FOXP1: variants seen among roughly 807,000 people sequenced by gnomAD.
FOXP1 encodes forkhead box P1, also known as forkhead box protein P1.
A neutral mutation model predicts 98.2 loss-of-function variants in FOXP1; 15 were observed. The observed-to-expected ratio is 0.15, with a 90% CI of 0.10 to 0.24. The LOEUF is 0.24. Among genes scored for constraint, FOXP1 ranks in the 10% least tolerant of loss-of-function variants. The pLI, the probability that FOXP1 is intolerant of heterozygous loss-of-function variation, is 1.00. For missense variants in FOXP1, 633 were observed against 848.5 expected, an observed-to-expected ratio of 0.75 and a Z score of 3.15; for synonymous variants, 371 against 314.5, an observed-to-expected ratio of 1.18 and a Z score of -1.90.
intron 1 of FOXP1, 190 bp from the exon 2 acceptor site, chr3:71,581,887 A>T: frequency 1.0e-6 from 1 of 985,140 alleles, no homozygotes; most frequent in Non-Finnish European, 1.2e-6. Context: ...AAGGATCCAG[A>T]GACCGGGAAA....
intron 4 of FOXP1, among the ~76,000 whole-genome samples, chr3:71,346,500 C>T (rs1457414444): frequency 6.6e-6 from 1 of 152,188 alleles, no homozygotes; most frequent in Non-Finnish European, 1.5e-5. Context: ...ATTAATACAA[C>T]CACACAGTAA....
intron 3 of FOXP1, among the ~76,000 whole-genome samples, chr3:71,454,793 TTAAAAAAA>T (rs1341866899): frequency 9.8e-6 from 1 of 101,536 alleles, no homozygotes; most frequent in Admixed American, 9.4e-5. Flanking sequence ...CTTGTTTTCT[TTAAAAAAA>T]AAAACAAAAA....
At chr3:71,021,523 T>C (rs1260955548) in intron 11 of FOXP1, among the ~76,000 whole-genome samples, 1 of 152,186 alleles carries the variant, frequency 6.6e-6, no homozygotes, top group Non-Finnish European at 1.5e-5. Context: ...GTACTCTAAG[T>C]ATCTGTTTTC....
chr3:71,449,629 A>C (rs1293316091), intron 3 of FOXP1, among the ~76,000 whole-genome samples: 2 of 152,154 alleles, frequency 1.3e-5, no homozygotes, highest in Admixed American at 1.3e-4. Flanking sequence ...CTCCCATACA[A>C]ACAGGGATTA....
At chr3:71,446,849 T>C (rs2086492661) in intron 3 of FOXP1, among the ~76,000 whole-genome samples, 1 of 152,268 alleles carries the variant, frequency 6.6e-6, no homozygotes, top group Non-Finnish European at 1.5e-5. Context: ...ATACAGATTA[T>C]GTCTACATAC....
intron 3 of FOXP1, among the ~76,000 whole-genome samples, chr3:71,453,577 T>C (rs2087160705): frequency 6.6e-6 from 1 of 152,112 alleles, no homozygotes; most frequent in Non-Finnish European, 1.5e-5. Context: ...GAAGTTTAAC[T>C]CCTACTTCTT....
intron 5 of FOXP1, among the ~76,000 whole-genome samples, chr3:71,270,288 A>G (rs564637248): frequency 3.9e-5 from 6 of 152,366 alleles, no homozygotes; most frequent in African/African-American, 1.4e-4. Flanking sequence ...TTAAAAGCTT[A>G]CTAGTGCTAT....
chr3:71,455,653 C>G (rs565181635), intron 3 of FOXP1, among the ~76,000 whole-genome samples: 18 of 152,242 alleles, frequency 1.2e-4, no homozygotes, highest in Admixed American at 9.8e-4. Context: ...ACGTCATGCT[C>G]TTAAAGGCCC....
chr3:71,084,128 T>C (rs1439045194), intron 7 of FOXP1, among the ~76,000 whole-genome samples: 1 of 152,154 alleles, frequency 6.6e-6, no homozygotes, highest in African/African-American at 2.4e-5. Context: ...CCTGTGCATT[T>C]TTCTTTCGAT....
intron 3 of FOXP1, among the ~76,000 whole-genome samples, chr3:71,405,335 C>A (rs1323134969): frequency 6.6e-6 from 1 of 152,220 alleles, no homozygotes; most frequent in Non-Finnish European, 1.5e-5. Context: ...TCAGGGGAAT[C>A]TATGTTCTGT....
intron 6 of FOXP1, among the ~76,000 whole-genome samples, chr3:71,192,495 G>A (rs2108346272): frequency 6.6e-6 from 1 of 152,332 alleles, no homozygotes; most frequent in Admixed American, 6.5e-5. Flanking sequence ...TGCAGGCATT[G>A]TTTCTCACAG....
At chr3:71,521,628 C>G (rs547839535) in intron 2 of FOXP1, among the ~76,000 whole-genome samples, 1 of 152,184 alleles carries the variant, frequency 6.6e-6, no homozygotes, top group Non-Finnish European at 1.5e-5. Context: ...CAAATGTGGT[C>G]CAAAGATTTG....
intron 13 of FOXP1, among the ~76,000 whole-genome samples, chr3:70,992,648 A>T (rs1044118872): frequency 1.3e-5 from 2 of 152,142 alleles, no homozygotes; most frequent in Non-Finnish European, 2.9e-5. Flanking sequence ...CCCTACTTTT[A>T]TTGTACTCTG....
intron 7 of FOXP1, among the ~76,000 whole-genome samples, chr3:71,088,402 T>TG (rs1480674849): frequency 6.0e-5 from 9 of 149,154 alleles, no homozygotes; most frequent in East Asian, 5.8e-4. Flanking sequence ...TGTTTTTTGT[T>TG]TTTTTTTTTT....
intron 7 of FOXP1, among the ~76,000 whole-genome samples, chr3:71,069,110 C>A (rs1385203846): frequency 6.6e-6 from 1 of 152,194 alleles, no homozygotes; most frequent in Non-Finnish European, 1.5e-5. Flanking sequence ...TGTTGTTTTT[C>A]TTCTGTGCCT....
intron 10 of FOXP1, among the ~76,000 whole-genome samples, chr3:71,043,234 C>T (rs748449903): frequency 6.6e-6 from 1 of 152,128 alleles, no homozygotes; most frequent in Admixed American, 6.5e-5. Flanking sequence ...ACAGACAAGT[C>T]GGTTTTCTTC....
rs1189859684 is a variant in FOXP1, at chr3:71,045,614, G to T, written c.664+1328C>A. The stretch of plus-strand genomic sequence containing the variant: ...CATCTTCTATTTTGACAATGGAGAT[G>T]CTGAGTATGTATCAAGCAGCTGAGC... On this transcript the variant is annotated intron_variant, in intron 10 of 20. Coordinates refer to ENST00000649528, the MANE Select transcript of FOXP1 (RefSeq NM_001349338.3). Among the ~76,000 whole-genome samples the T allele has an allele frequency of 2.6e-5, 4 of 152,148 alleles. 1 individual carries two copies. The highest frequency in any genetic ancestry group is 9.7e-5 in the African/African-American group (4 of 41,430).
intron 2 of FOXP1, among the ~76,000 whole-genome samples, chr3:71,536,575 T>C (rs1015794567): frequency 1.1e-4 from 8 of 71,136 alleles, no homozygotes; most frequent in African/African-American, 5.6e-4. Flanking sequence ...CCATGTCTCT[T>C]TTTTTTTTTT....
chr3:71,343,554 ATTTTTTTT>A (rs10658352), intron 4 of FOXP1, among the ~76,000 whole-genome samples: 1 of 116,414 alleles, frequency 8.6e-6, no homozygotes, highest in Non-Finnish European at 1.7e-5. Context: ...TCTCAATTAG[ATTTTTTTT>A]TTTTTTTTTT....
Sources: gnomAD v4.1 joint callset for allele counts (sites outside exome capture counted in the v4.1 genomes callset) on GRCh38, gnomAD v4.1.1 for gene constraint, MANE v1.5 for transcripts, NCBI Gene and HGNC (gene_info 2026-07-23, HGNC 2026-07-21) for gene names.